Variants in DIAPH2 observed in about 807,000 individuals in gnomAD.
The protein encoded by DIAPH2 is diaphanous related formin 2, also known as protein diaphanous homolog 2.
In DIAPH2, 35 loss-of-function variants were observed where a neutral mutation model predicts 92.7. The ratio of observed to expected loss-of-function variants is 0.38; its 90% CI spans 0.29 to 0.50. DIAPH2 has a LOEUF of 0.50. Among genes scored for constraint, DIAPH2 ranks in the 20% least tolerant of loss-of-function variants. The pLI, the probability that DIAPH2 is intolerant of heterozygous loss-of-function variation, is 0.94. For missense variants in DIAPH2, 701 were observed against 819.5 expected (o/e 0.86, Z 1.77); for synonymous variants, 301 against 280.4 (o/e 1.07, Z -0.73).
At chrX:97,304,556 A>G (rs1277445769) in intron 23 of DIAPH2, among the ~76,000 whole-genome samples, 1 of 112,286 alleles carries the variant, frequency 8.9e-6, no homozygotes, top group Non-Finnish European at 1.9e-5. Flanking sequence ...TTTAGTTTCA[A>G]AATGAAGTAG....
intron 5 of DIAPH2, chrX:96,883,909 T>C (rs907863772): frequency 7.7e-6 from 1 of 129,561 alleles, no homozygotes; most frequent in Non-Finnish European, 1.5e-5. Context: ...AGAGGGGGGC[T>C]AGTAAAAATG....
At chrX:97,300,966 G>GAAAAAAAAAAA (rs2068697171) in intron 23 of DIAPH2, among the ~76,000 whole-genome samples, 1 of 15,581 alleles carries the variant, frequency 6.4e-5, no homozygotes, top group Non-Finnish European at 1.2e-4. Flanking sequence ...AAAAAAAAAA[G>GAAAAAAAAAAA]AAGAAGAAGA....
intron 22 of DIAPH2, among the ~76,000 whole-genome samples, chrX:97,235,601 C>CAAAAAA (rs10563336): frequency 1.9e-5 from 1 of 53,381 alleles, no homozygotes; most frequent in Admixed American, 2.4e-4. Context: ...GAGACTACGT[C>CAAAAAA]AAAAAAAAAA....
At chrX:97,005,814 C>T (rs1214391654) in intron 17 of DIAPH2, among the ~76,000 whole-genome samples, 2 of 111,234 alleles carry the variant, frequency 1.8e-5, no homozygotes, top group Non-Finnish European at 3.8e-5. Context: ...GCTGGGATTA[C>T]AGGCGTGAGC....
chrX:97,263,759 G>A (rs1004847059), intron 23 of DIAPH2, among the ~76,000 whole-genome samples: 3 of 108,902 alleles, frequency 2.8e-5, no homozygotes, highest in Non-Finnish European at 5.7e-5. Flanking sequence ...GCTAATTTTT[G>A]TATTTTTAGT....
chrX:97,053,202 A>G (rs142450914), intron 17 of DIAPH2, among the ~76,000 whole-genome samples: 3,636 of 111,424 alleles, frequency 0.033, 63 homozygotes, highest in Non-Finnish European at 0.049. Flanking sequence ...CTGATGCTCA[A>G]GTTCATCTGG....
At chrX:97,287,952 CAAAAAAAAAAAAAA>C (rs748309881) in intron 23 of DIAPH2, among the ~76,000 whole-genome samples, 5 of 39,782 alleles carry the variant, frequency 1.3e-4, no homozygotes, top group African/African-American at 5.5e-4. Context: ...GACTCTGTCT[CAAAAAAAAAAAAAA>C]AAAAAAAAAA....
At chrX:96,784,431 C>T (rs979079613) in intron 4 of DIAPH2, among the ~76,000 whole-genome samples, 3 of 111,534 alleles carry the variant, frequency 2.7e-5, no homozygotes, top group African/African-American at 9.8e-5. Flanking sequence ...ATAACATAGT[C>T]CCTTTAGCTT....
intron 17 of DIAPH2, among the ~76,000 whole-genome samples, chrX:97,013,866 A>T (rs2066243303): frequency 8.9e-6 from 1 of 111,899 alleles, no homozygotes; most frequent in African/African-American, 3.3e-5. Context: ...TAAGATAACT[A>T]AAACTTAGAA....
chrX:97,515,120 C>A (rs1170538545), intron 26 of DIAPH2, among the ~76,000 whole-genome samples: 1 of 112,345 alleles, frequency 8.9e-6, no homozygotes, highest in East Asian at 2.8e-4. Flanking sequence ...TCGCTGCTGC[C>A]TTGCAGTTTG....
At chrX:96,760,160 A>G (rs1017742142) in intron 4 of DIAPH2, among the ~76,000 whole-genome samples, 2 of 111,398 alleles carry the variant, frequency 1.8e-5, no homozygotes, top group South Asian at 3.7e-4. Flanking sequence ...CGTGGGCCAG[A>G]TACTATGATG....
intron 26 of DIAPH2, among the ~76,000 whole-genome samples, chrX:97,598,423 G>C (rs924780042): frequency 8.9e-6 from 1 of 111,814 alleles, no homozygotes; most frequent in South Asian, 3.7e-4. Context: ...TAGGGACCTA[G>C]TCTCATTCTA....
chrX:97,431,375 G>A (rs1192659683), intron 26 of DIAPH2: 1 of 111,986 alleles, frequency 8.9e-6, no homozygotes, highest in African/African-American at 3.2e-5. Flanking sequence ...ATTTTTCTAG[G>A]CTGTTTATTT....
intron 19 of DIAPH2, among the ~76,000 whole-genome samples, chrX:97,077,243 A>T (rs146343886): frequency 0.01 from 1,131 of 111,392 alleles, 18 homozygotes; most frequent in African/African-American, 0.035. Context: ...CCCAAGAGAG[A>T]TGACTTCCCT....
At chrX:96,921,114 C>T (rs1015422839) in intron 9 of DIAPH2, among the ~76,000 whole-genome samples, 2 of 111,926 alleles carry the variant, frequency 1.8e-5, no homozygotes, top group Non-Finnish European at 3.8e-5. Context: ...AATGTTATTA[C>T]AGTCTCGGGA....
At chrX:96,883,170 A>G (rs1444023385) in intron 5 of DIAPH2, among the ~76,000 whole-genome samples, 4 of 109,805 alleles carry the variant, frequency 3.6e-5, no homozygotes, top group Non-Finnish European at 7.6e-5. Context: ...GAGCTCAGTC[A>G]TTCAGTTTGG....
chrX:96,817,448 C>T (rs892709663), intron 4 of DIAPH2, among the ~76,000 whole-genome samples: 3 of 111,360 alleles, frequency 2.7e-5, no homozygotes, highest in Admixed American at 9.5e-5. Context: ...TGTGAGTTTC[C>T]AAATCATCAG....
chrX:97,005,732 G>C (rs1385833044), intron 17 of DIAPH2, among the ~76,000 whole-genome samples: 1 of 109,676 alleles, frequency 9.1e-6, no homozygotes, highest in East Asian at 2.9e-4. Flanking sequence ...GTAGAGATGG[G>C]GTTTCACCGT....
At chrX:97,291,153 G>A (rs897918098) in intron 23 of DIAPH2, among the ~76,000 whole-genome samples, 3 of 109,732 alleles carry the variant, frequency 2.7e-5, no homozygotes, top group African/African-American at 6.6e-5. Context: ...TTGGGAGGCC[G>A]AGGCGGGCAG....
Sources: allele counts gnomAD v4.1 joint callset (sites outside exome capture counted in the v4.1 genomes callset), GRCh38; gene constraint gnomAD v4.1.1; transcripts MANE v1.5; gene names NCBI Gene and HGNC (gene_info 2026-07-23, HGNC 2026-07-21).